The following KDM3B variants were observed in gnomAD, a reference collection of about 807,000 sequenced individuals.
KDM3B encodes the protein lysine demethylase 3B.
In KDM3B, 10 loss-of-function variants were observed where a neutral mutation model predicts 170.0. That is an observed-to-expected ratio of 0.06 (90% CI 0.04 to 0.10). The LOEUF is 0.10. Among genes scored for constraint, KDM3B ranks in the 10% least tolerant of loss-of-function variants. KDM3B has a pLI of 1.00. For synonymous variants in KDM3B, 831 were observed against 834.8 expected, an observed-to-expected ratio of 1.00 and a Z score of 0.08; for missense variants, 1,394 against 2,195.2, an observed-to-expected ratio of 0.64 and a Z score of 7.29.
At chr5:138,385,567 G>A (rs149724661) in intron 6 of KDM3B, among the ~76,000 whole-genome samples, 207 of 152,306 alleles carry the variant, frequency 1.4e-3, no homozygotes, top group African/African-American at 4.5e-3. Flanking sequence ...ACTCACAAAC[G>A]TTGGTTTAGT....
chr5:138,369,461 A>C (rs554949943), intron 1 of KDM3B, among the ~76,000 whole-genome samples: 9 of 150,736 alleles, frequency 6.0e-5, no homozygotes, highest in African/African-American at 2.2e-4. Flanking sequence ...ACTCCCTACT[A>C]CTCCCCCACC....
intron 11 of KDM3B, among the ~76,000 whole-genome samples, chr5:138,400,315 C>T (rs1204049550): frequency 6.6e-6 from 1 of 151,798 alleles, no homozygotes; most frequent in Non-Finnish European, 1.5e-5. Context: ...GCTTACTGCA[C>T]CCTTGACCTA....
chr5:138,401,243 C>T (rs1334849690), intron 11 of KDM3B, among the ~76,000 whole-genome samples: 4 of 149,864 alleles, frequency 2.7e-5, no homozygotes, highest in African/African-American at 9.8e-5. Flanking sequence ...TGTACTCCAA[C>T]CTGGGCAACA....
intron 1 of KDM3B, among the ~76,000 whole-genome samples, chr5:138,368,493 C>T (rs1049573635): frequency 7.9e-5 from 12 of 152,058 alleles, no homozygotes; most frequent in Admixed American, 2.6e-4. Flanking sequence ...ATCCTCCCGC[C>T]TCAGCCTCCC....
Position 138,430,249 on chromosome 5 carries a change from G to T in KDM3B, c.4894G>T (p.Val1632Phe), listed in dbSNP as rs778103624. The stretch of plus-strand genomic sequence containing the variant: ...TCTTTGGATTTGATTATGGCTTCAG[G>T]TTGGAGAAGAACAAGGCCAAGAGAA... ...AEKIRELLRK[V>F]GEEQGQENPP... The change falls in exon 22 of 24, where the codon GTT becomes TTT. Residue 1632 changes from valine (V) to phenylalanine (F), a missense_variant and splice_region_variant. Val to Phe is a conservative substitution (Grantham distance 50). Transcript: ENST00000314358. 3 of 1,613,350 alleles carry T rather than the reference G, an allele frequency of 1.9e-6. No individual in the cohort carries two copies. The highest frequency in any genetic ancestry group is 1.1e-5 in the South Asian group (1 of 91,048).
intron 15 of KDM3B, among the ~76,000 whole-genome samples, chr5:138,421,504 C>T (rs1763273137): frequency 6.6e-6 from 1 of 152,166 alleles, no homozygotes; most frequent in Non-Finnish European, 1.5e-5. Context: ...AAACTATATT[C>T]AGAATCCACT....
Position 138,391,254 on chromosome 5 carries a change from C to T in KDM3B, c.1622C>T (p.Thr541Ile). ...ACTTTACCTACCAGTAACTACTTCA[C>T]TACTGTTTCAGAGAGTTTGGCTGAT... The part of the protein sequence containing the change: ...SQTLPTSNYF[T>I]TVSESLADDS... Residue 541 changes from threonine (T) to isoleucine (I), a missense_variant, in exon 8 of 24, where the codon ACT (threonine) becomes ATT (isoleucine). Coordinates refer to ENST00000314358, the MANE Select transcript of KDM3B (RefSeq NM_016604.4). The surrounding 1 kb of genome is among the most constrained non-coding windows in gnomAD (Gnocchi z 5.0). 6.2e-7 allele frequency: 1 copy of T among 1,614,184 alleles called. No homozygotes were observed. The highest frequency in any genetic ancestry group is 2.2e-5 in the East Asian group (1 of 44,882).
At chr5:138,428,940 C>CTTTTTTTTTTTTTTTTTTTTTTTTT (rs397884825) in intron 20 of KDM3B, among the ~76,000 whole-genome samples, 1 of 101,236 alleles carries the variant, frequency 9.9e-6, no homozygotes, top group African/African-American at 3.5e-5. Context: ...GGGATAATTT[C>CTTTTTTTTTTTTTTTTTTTTTTTTT]TTTTTTTTTT....
At chr5:138,392,313 G>T (rs762071371) in intron 8 of KDM3B, 52 bp downstream of exon 8, 1 of 1,438,868 alleles carries the variant, frequency 6.9e-7, no homozygotes. Flanking sequence ...GGGCTCAAAT[G>T]CCTGTCGTGT....
In KDM3B at chr5:138,424,119, C is replaced by A; in HGVS notation, c.4017C>A (p.Ile1339=). The A allele has an allele frequency of 1.2e-6, 2 of 1,605,820 alleles. No homozygotes were observed. The highest frequency in any genetic ancestry group is 1.7e-6 in the Non-Finnish European group (2 of 1,174,646). ...KASLPNFLDH[I]IASVVENKKT... ...GCCTACCCAACTTTCTTGACCACAT[C>A]ATTGCCTCAGTGGTAGAAAATAAGA... is the stretch of plus-strand genomic sequence containing the variant. Residue 1339 remains isoleucine (I), a synonymous_variant, in exon 16 of 24, where the codon ATC becomes ATA. Coordinates refer to ENST00000314358, the MANE Select transcript of KDM3B (RefSeq NM_016604.4).
At chr5:138,429,377 C>A (rs1440118999) in intron 20 of KDM3B, among the ~76,000 whole-genome samples, 1 of 152,092 alleles carries the variant, frequency 6.6e-6, no homozygotes, top group Non-Finnish European at 1.5e-5. Context: ...TTTTGCACAC[C>A]TGCAGCATTC....
chr5:138,377,073 G>A (rs1762018065), intron 3 of KDM3B, among the ~76,000 whole-genome samples: 1 of 152,060 alleles, frequency 6.6e-6, no homozygotes, highest in Non-Finnish European at 1.5e-5. Flanking sequence ...TGTCTTCCCC[G>A]CTCGTTAGGT....
chr5:138,378,611 A>G (rs1762054638), intron 4 of KDM3B, among the ~76,000 whole-genome samples: 1 of 152,062 alleles, frequency 6.6e-6, no homozygotes, highest in Non-Finnish European at 1.5e-5. Flanking sequence ...CTTTTGTCAA[A>G]ATAAACCTAA....
At chr5:138,414,861 G>A (rs1763062276) in intron 11 of KDM3B, among the ~76,000 whole-genome samples, 2 of 152,330 alleles carry the variant, frequency 1.3e-5, no homozygotes, top group East Asian at 1.9e-4. Context: ...GCAGGCTAGG[G>A]TGGGAGGATG....
chr5:138,428,139 TAC>T, intron 20 of KDM3B, 53 bp downstream of exon 20: 1 of 1,572,156 alleles, frequency 6.4e-7, no homozygotes, highest in East Asian at 2.3e-5. Context: ...GTCTTGGGAA[TAC>T]AGTTTTGTGT....
intron 15 of KDM3B, among the ~76,000 whole-genome samples, chr5:138,423,527 G>GTA (rs1161099025): frequency 1.3e-5 from 2 of 152,166 alleles, no homozygotes; most frequent in East Asian, 3.8e-4. Context: ...CAGTGGGATG[G>GTA]TAGTGAGGAA....
At chr5:138,399,210 G>A (rs1207463981) in intron 10 of KDM3B, among the ~76,000 whole-genome samples, 1 of 151,628 alleles carries the variant, frequency 6.6e-6, no homozygotes, top group Non-Finnish European at 1.5e-5. Flanking sequence ...TTTCAAGGGA[G>A]GAATCCTCTT....
intron 11 of KDM3B, among the ~76,000 whole-genome samples, chr5:138,410,387 C>T (rs1479199037): frequency 6.6e-5 from 10 of 152,186 alleles, no homozygotes; most frequent in Non-Finnish European, 1.5e-5. Flanking sequence ...AGTAAACCCA[C>T]ACATACATAA....
At chr5:138,381,657 C>A in intron 6 of KDM3B, 67 bp downstream of exon 6, 1 of 973,432 alleles carries the variant, frequency 1.0e-6, no homozygotes, top group Non-Finnish European at 1.6e-6. Context: ...GTGTAGATCC[C>A]TTATATATGT....
Sources: gnomAD v4.1 joint callset for allele counts (sites outside exome capture counted in the v4.1 genomes callset) on GRCh38, gnomAD v4.1.1 for gene constraint, Gnocchi (gnomAD v3.1) non-coding constraint, MANE v1.5 for transcripts, NCBI Gene and HGNC (gene_info 2026-07-23, HGNC 2026-07-21) for gene names.